Variants in CFAP61 observed in about 807,000 individuals in gnomAD.
CFAP61 encodes cilia and flagella associated protein 61, also known as cilia- and flagella-associated protein 61.
A neutral mutation model predicts 135.6 loss-of-function variants in CFAP61; 107 were observed. The observed-to-expected ratio is 0.79, with a 90% CI of 0.67 to 0.93. CFAP61 has a LOEUF of 0.93. Ranked by LOEUF, CFAP61 falls within the 40% of genes least tolerant of loss-of-function variation. The pLI is 0.00. For synonymous variants in CFAP61, 575 were observed against 578.5 expected (o/e 0.99, Z 0.09); for missense variants, 1,507 against 1,556.2 (o/e 0.97, Z 0.53).
At chr20:20,067,644 AATATATAT>A (rs71988476) in intron 2 of CFAP61, among the ~76,000 whole-genome samples, 2,323 of 129,864 alleles carry the variant, frequency 0.018, 67 homozygotes, top group African/African-American at 0.062. Context: ...TCCATCTCAA[AATATATAT>A]ATATATATAT....
intron 17 of CFAP61, among the ~76,000 whole-genome samples, chr20:20,206,755 T>A (rs899388042): frequency 6.6e-6 from 1 of 151,422 alleles, no homozygotes; most frequent in African/African-American, 2.4e-5. Flanking sequence ...ATATATACCA[T>A]ATATATATAT....
intron 24 of CFAP61, among the ~76,000 whole-genome samples, 162 bp from the exon 25 acceptor site, chr20:20,298,019 G>A (rs570886312): frequency 2.0e-5 from 3 of 152,310 alleles, no homozygotes; most frequent in African/African-American, 7.2e-5. Flanking sequence ...CTGACACACT[G>A]TCACCTTCTG....
intron 22 of CFAP61, among the ~76,000 whole-genome samples, chr20:20,284,411 G>A (rs1601809770): frequency 1.3e-5 from 2 of 151,758 alleles, no homozygotes; most frequent in East Asian, 1.9e-4. Flanking sequence ...TCAGCTTCCC[G>A]AGTAGCTGGG....
At chr20:20,115,272 G>A (rs776240699) in intron 8 of CFAP61, among the ~76,000 whole-genome samples, 4 of 134,616 alleles carry the variant, frequency 3.0e-5, no homozygotes, top group Non-Finnish European at 6.8e-5. Flanking sequence ...TTCATTTCAA[G>A]TTTATTACTG....
At chr20:20,277,082 G>A in intron 21 of CFAP61, 84 bp from the exon 22 acceptor site, 1 of 1,083,764 alleles carries the variant, frequency 9.2e-7, no homozygotes, top group Non-Finnish European at 1.3e-6. Flanking sequence ...AGGGTTATAC[G>A]GAGCAATTCG....
At chr20:20,268,020 C>T (rs982895378) in intron 21 of CFAP61, among the ~76,000 whole-genome samples, 7 of 152,222 alleles carry the variant, frequency 4.6e-5, no homozygotes, top group African/African-American at 1.7e-4. Context: ...TGCTTATGCA[C>T]GTTTGAAAAG....
chr20:20,122,849 C>T (rs2049770923), intron 8 of CFAP61, among the ~76,000 whole-genome samples: 1 of 149,390 alleles, frequency 6.7e-6, no homozygotes, highest in Non-Finnish European at 1.5e-5. Flanking sequence ...CACCGTTTTC[C>T]ATAGAGGTTG....
In CFAP61 at chr20:20,098,666, A is replaced by C. The variant is rs1178197683; in HGVS notation, c.711A>C (p.Thr237=). 6.2e-7 allele frequency: 1 copy of C among 1,600,118 alleles called. No homozygotes were observed. Among genetic ancestry groups the C allele is most frequent in the Non-Finnish European group, 8.5e-7 (1 of 1,175,312 alleles). The change falls in exon 8 of 27, where the codon ACA becomes ACC. Residue 237 remains threonine, a synonymous_variant. Coordinates refer to ENST00000245957, the MANE Select transcript of CFAP61 (RefSeq NM_015585.4). ...NHAVVCEVEG[T]AVGFMSVCSR... is the part of the protein sequence containing the mutation. ...TTTGGATATTTCAGGTGGAAGGCACAGCTGTTGGGTTCATGAGTGTGTGCT... is the reference window on the plus strand; with the variant it reads ...TTTGGATATTTCAGGTGGAAGGCACCGCTGTTGGGTTCATGAGTGTGTGCT...
chr20:20,103,168 A>G (rs906196942), intron 8 of CFAP61, among the ~76,000 whole-genome samples: 5 of 152,092 alleles, frequency 3.3e-5, no homozygotes, highest in South Asian at 2.1e-4. Flanking sequence ...TTTATTAAGT[A>G]TGTTCTCAAT....
intron 9 of CFAP61, among the ~76,000 whole-genome samples, chr20:20,153,739 G>A (rs1407588458): frequency 6.6e-6 from 1 of 151,952 alleles, no homozygotes; most frequent in Non-Finnish European, 1.5e-5. Context: ...AACAAAAAAA[G>A]TCCAGGACCA....
At chr20:20,306,314 T>C (rs1275622427) in intron 25 of CFAP61, among the ~76,000 whole-genome samples, 3 of 152,210 alleles carry the variant, frequency 2.0e-5, no homozygotes, top group Non-Finnish European at 4.4e-5. Context: ...GTATGAACTT[T>C]GAAACATTTA....
At chr20:20,138,453 G>A (rs1254904833) in intron 8 of CFAP61, among the ~76,000 whole-genome samples, 1 of 151,312 alleles carries the variant, frequency 6.6e-6, no homozygotes, top group Non-Finnish European at 1.5e-5. Context: ...GCTCCCTCTT[G>A]GGGTGCCAGC....
rs555617341 is a variant in CFAP61 at position 20,354,729 on chromosome 20, C to T, written c.3514-5481C>T. On this transcript the variant is annotated intron_variant, in intron 26 of 26. Transcript: ENST00000245957. ...CACACTGTGTGAGGGGAGGTGGTCA[C>T]ACTGTGAGAGAAAAAGTAATCATAC... Among the ~76,000 whole-genome samples, 3 of 149,546 alleles carry T rather than the reference C, an allele frequency of 2.0e-5. No individual in the cohort carries two copies. In the East Asian group the frequency reaches 6.0e-4, roughly 30 times the overall value.
intron 18 of CFAP61, among the ~76,000 whole-genome samples, chr20:20,230,133 G>A (rs899617351): frequency 7.9e-5 from 12 of 152,026 alleles, no homozygotes; most frequent in African/African-American, 2.9e-4. Context: ...TCTTTTTGTG[G>A]AGTCAACTTA....
rs548200841 is a variant in CFAP61, at chr20:20,073,352, G to A, written c.295-950G>A. Among the ~76,000 whole-genome samples, 7 of 152,292 alleles carry A rather than the reference G, an allele frequency of 4.6e-5. No homozygotes were observed. The South Asian group carries it at 6.2e-4, about 14-fold the overall frequency. On this transcript the variant is annotated intron_variant, in intron 3 of 26. Transcript: ENST00000245957. ...AATCAAAACATGGTTTTCCTCTTGC[G>A]CTTTTAGTCACCGTACAATTCTTTC...
intron 9 of CFAP61, among the ~76,000 whole-genome samples, chr20:20,143,390 G>A (rs2146753787): frequency 6.6e-6 from 1 of 152,252 alleles, no homozygotes; most frequent in East Asian, 1.9e-4. Flanking sequence ...TCCCCTCCCA[G>A]CAAAGAGGGG....
At chr20:20,052,794 T>C (rs748943056) in intron 1 of CFAP61, 19 of 1,427,266 alleles carry the variant, frequency 1.3e-5, no homozygotes, top group Non-Finnish European at 1.8e-5. Flanking sequence ...GCGAGGAAAC[T>C]ACCATTCCCA....
chr20:20,147,781 T>TTTTTTG (rs2052021954), intron 9 of CFAP61, among the ~76,000 whole-genome samples: 1 of 152,008 alleles, frequency 6.6e-6, no homozygotes, highest in Non-Finnish European at 1.5e-5. Context: ...TTTGTTTTTT[T>TTTTTTG]TTTTGCATTT....
chr20:20,115,959 A>G (rs1330613267), intron 8 of CFAP61, among the ~76,000 whole-genome samples: 2 of 152,208 alleles, frequency 1.3e-5, no homozygotes, highest in African/African-American at 4.8e-5. Context: ...TATACCTAGC[A>G]CTGAGATTGC....
Sources: gnomAD v4.1 joint callset for allele counts (sites outside exome capture counted in the v4.1 genomes callset) on GRCh38, gnomAD v4.1.1 for gene constraint, MANE v1.5 for transcripts, NCBI Gene and HGNC (gene_info 2026-07-23, HGNC 2026-07-21) for gene names.